The following SRGAP3 variants were observed in gnomAD, a reference collection of about 807,000 sequenced individuals.
The protein encoded by SRGAP3 is SLIT-ROBO Rho GTPase activating protein 3, also known as SLIT-ROBO Rho GTPase-activating protein 3.
SRGAP3 carries 39 observed loss-of-function variants against 121.1 expected under a neutral mutation model. The observed-to-expected ratio is 0.32, with a 90% CI of 0.25 to 0.42. SRGAP3 has a LOEUF of 0.42. Among genes scored for constraint, SRGAP3 ranks in the 10% least tolerant of loss-of-function variants. SRGAP3 has a pLI of 1.00. For missense variants in SRGAP3, 1,213 were observed against 1,470.6 expected, an observed-to-expected ratio of 0.82 and a Z score of 2.86; for synonymous variants, 601 against 570.0, an observed-to-expected ratio of 1.05 and a Z score of -0.77.
intron 1 of SRGAP3, among the ~76,000 whole-genome samples, chr3:9,148,122 C>T (rs919355971): frequency 3.3e-5 from 5 of 152,074 alleles, no homozygotes; most frequent in African/African-American, 9.7e-5. Context: ...GGGAGGACAA[C>T]GCTAATCACC....
At position 9,047,445 on chromosome 3, in the gene SRGAP3, G is replaced by C; in HGVS notation, c.1354C>G (p.Leu452Val). 1 of 1,614,178 alleles carries C rather than the reference G, an allele frequency of 6.2e-7. No homozygotes were observed. The highest frequency in any genetic ancestry group is 8.5e-7 in the Non-Finnish European group (1 of 1,180,038). The change falls in exon 10 of 22, where the codon CTC becomes GTC. Residue 452 changes from leucine to valine, a missense_variant. Around this residue, in one of 2 missense-constraint regions of SRGAP3, gnomAD observed 793 missense variants for 1,032.9 expected, o/e 0.77. Coordinates refer to ENST00000383836, the MANE Select transcript of SRGAP3 (RefSeq NM_014850.4). ...TGCTTGGCCTGCAGCTTGGTGATGAGGTTACTGCCATTCACATACTCTTTA... is the reference window on the plus strand; with the variant it reads ...TGCTTGGCCTGCAGCTTGGTGATGACGTTACTGCCATTCACATACTCTTTA... ...KFKEYVNGSN[L>V]ITKLQAKHDL...
At chr3:9,195,723 A>G (rs890852072) in intron 1 of SRGAP3, among the ~76,000 whole-genome samples, 15 of 152,176 alleles carry the variant, frequency 9.9e-5, no homozygotes, top group African/African-American at 3.4e-4. Flanking sequence ...TGGAAGGTCA[A>G]GGTGGGAGGA....
At chr3:9,235,749 C>A (rs1212233691) in intron 1 of SRGAP3, 2 of 152,240 alleles carry the variant, frequency 1.3e-5, no homozygotes, top group African/African-American at 4.8e-5. Context: ...CGTGATCTGC[C>A]CGCCTCAGCC....
chr3:9,214,862 TA>T (rs1479456919), intron 1 of SRGAP3, among the ~76,000 whole-genome samples: 4 of 152,144 alleles, frequency 2.6e-5, no homozygotes, highest in Non-Finnish European at 5.9e-5. Context: ...AACCACACGC[TA>T]CAGGAGGATG....
chr3:9,010,181 G>T, intron 18 of SRGAP3, 127 bp downstream of exon 18: 1 of 1,143,850 alleles, frequency 8.7e-7, no homozygotes, highest in Non-Finnish European at 1.3e-6. Flanking sequence ...CGTCTATTCT[G>T]AAGGACAGAT....
chr3:9,290,380 ATGT>A (rs1954851163), intron 3 of SRGAP3, among the ~76,000 whole-genome samples: 1 of 152,160 alleles, frequency 6.6e-6, no homozygotes, highest in South Asian at 2.1e-4. Context: ...GAATGGTCTG[ATGT>A]TGTTTGGTTA....
intron 6 of SRGAP3, 37 bp downstream of exon 6, chr3:9,060,194 G>T (rs1002019266): frequency 6.2e-7 from 1 of 1,613,476 alleles, no homozygotes; most frequent in Admixed American, 1.7e-5. Context: ...GCCCTGGTGT[G>T]GGCCCTGCTC....
chr3:8,998,993 T>C (rs185073892), intron 18 of SRGAP3, among the ~76,000 whole-genome samples: 10 of 152,356 alleles, frequency 6.6e-5, no homozygotes, highest in Non-Finnish European at 1.3e-4. Context: ...TGTGCTAAGC[T>C]TATTCCTGCC....
chr3:9,217,497 C>T (rs567482380), intron 1 of SRGAP3: 2 of 152,134 alleles, frequency 1.3e-5, no homozygotes, highest in Non-Finnish European at 2.9e-5. Flanking sequence ...CTCCTCCCCG[C>T]AAAAGGAAGG....
intron 3 of SRGAP3, among the ~76,000 whole-genome samples, chr3:9,255,047 A>G (rs1954102543): frequency 6.6e-6 from 1 of 152,174 alleles, no homozygotes; most frequent in Non-Finnish European, 1.5e-5. Context: ...AAAGAAAGGT[A>G]GATTTTGGAA....
At chr3:9,095,919 A>G (rs1468264507) in intron 3 of SRGAP3, among the ~76,000 whole-genome samples, 1 of 152,088 alleles carries the variant, frequency 6.6e-6, no homozygotes, top group East Asian at 1.9e-4. Flanking sequence ...ACTGGAAAAA[A>G]AAAATTGCAG....
intron 1 of SRGAP3, among the ~76,000 whole-genome samples, chr3:9,330,900 T>C (rs1217543798): frequency 6.6e-6 from 1 of 152,218 alleles, no homozygotes; most frequent in Non-Finnish European, 1.5e-5. Flanking sequence ...TCAGCTATTA[T>C]TACAGACGCA....
intron 1 of SRGAP3, among the ~76,000 whole-genome samples, chr3:9,359,380 G>C (rs1314157609): frequency 1.3e-5 from 2 of 152,154 alleles, no homozygotes; most frequent in African/African-American, 2.4e-5. Flanking sequence ...CATTATACCA[G>C]GGAGCCATAT....
chr3:9,013,782 C>T lies in SRGAP3; in HGVS notation c.1874G>A (p.Arg625His), dbSNP rs765186433. ...QIQQILVTLP[R>H]VVIVVMRYLF... ...GTATCTCATGACCACAATGACCACG[C>T]GGGGAAGGGTGACGAGGATTTGTTG... Residue 625 changes from arginine to histidine, a missense_variant, in exon 16 of 22, where the codon CGC becomes CAC. Physicochemically the swap from Arg to His is conservative, Grantham distance 29. Coordinates refer to ENST00000383836, the MANE Select transcript of SRGAP3 (RefSeq NM_014850.4). The T allele has an allele frequency of 1.2e-5, 19 of 1,614,030 alleles. No individual in the cohort carries two copies. The highest frequency in any genetic ancestry group is 3.3e-5 in the Admixed American group (2 of 59,996).
chr3:9,279,498 C>T (rs77386097), intron 3 of SRGAP3, among the ~76,000 whole-genome samples: 1,993 of 149,876 alleles, frequency 0.013, 22 homozygotes, highest in Non-Finnish European at 0.019. Flanking sequence ...GGAAGCAAAA[C>T]GAATACCCTG....
At chr3:9,242,553 T>A (rs944848856) in intron 1 of SRGAP3, among the ~76,000 whole-genome samples, 2 of 152,166 alleles carry the variant, frequency 1.3e-5, no homozygotes, top group Non-Finnish European at 2.9e-5. Flanking sequence ...GAGAATTGCT[T>A]GAACCCAGAA....
intron 1 of SRGAP3, among the ~76,000 whole-genome samples, chr3:9,163,736 G>T (rs1950682728): frequency 6.6e-6 from 1 of 152,166 alleles, no homozygotes; most frequent in South Asian, 2.1e-4. Flanking sequence ...CCTCTGCACA[G>T]TCAGGGCTGG....
intron 3 of SRGAP3, among the ~76,000 whole-genome samples, chr3:9,279,316 G>T (rs777739768): frequency 7.2e-5 from 11 of 152,164 alleles, no homozygotes; most frequent in South Asian, 6.2e-4. Context: ...AACACAAAGT[G>T]CTATTACCTG....
chr3:9,302,314 T>C (rs1259450563), intron 3 of SRGAP3, among the ~76,000 whole-genome samples: 3 of 152,074 alleles, frequency 2.0e-5, no homozygotes, highest in Non-Finnish European at 2.9e-5. Flanking sequence ...CGTCCCTGGG[T>C]ATCCCCCTCA....
Sources: gnomAD v4.1 joint callset for allele counts (sites outside exome capture counted in the v4.1 genomes callset) on GRCh38, gnomAD v4.1.1 for gene constraint, gnomAD v4.1.1 regional missense constraint, MANE v1.5 for transcripts, NCBI Gene and HGNC (gene_info 2026-07-23, HGNC 2026-07-21) for gene names.